Variants in BTD observed in about 807,000 individuals in gnomAD.
The protein encoded by BTD is biotinidase, also known as biocytinase.
In BTD, 13 loss-of-function variants were observed where a neutral mutation model predicts 17.7. That is an observed-to-expected ratio of 0.74 (90% CI 0.48 to 1.17). BTD has a LOEUF of 1.17. BTD is among the 50% of genes most tolerant of loss of function. The pLI is 0.00. For missense variants in BTD, 674 were observed against 650.4 expected (o/e 1.04, Z -0.39); for synonymous variants, 240 against 245.2 (o/e 0.98, Z 0.20).
At chr3:15,704,767 A>G (rs572023965) in intron 3 of BTD, among the ~76,000 whole-genome samples, 1 of 152,280 alleles carries the variant, frequency 6.6e-6, no homozygotes, top group South Asian at 2.1e-4. Context: ...CAAAACAATC[A>G]CTTATTAAAA....
chr3:15,662,777 G>A (rs57358840), intron 3 of BTD, among the ~76,000 whole-genome samples: 2 of 151,302 alleles, frequency 1.3e-5, no homozygotes, highest in Non-Finnish European at 2.9e-5. Context: ...TGGAACTATA[G>A]GTGTGTGCCA....
chr3:15,681,668 A>G (rs1202941774), intron 3 of BTD, among the ~76,000 whole-genome samples: 1 of 152,220 alleles, frequency 6.6e-6, no homozygotes, highest in Non-Finnish European at 1.5e-5. Context: ...TAATTGTGGA[A>G]AAGTAATTTT....
At chr3:15,720,270 T>C (rs1257553398) in intron 4 of BTD, among the ~76,000 whole-genome samples, 8 of 151,792 alleles carry the variant, frequency 5.3e-5, no homozygotes, top group African/African-American at 1.9e-4. Flanking sequence ...CTGACAGTTT[T>C]TTTTCCCTAA....
At chr3:15,618,594 C>T (rs1426044845) in intron 1 of BTD, among the ~76,000 whole-genome samples, 5 of 151,986 alleles carry the variant, frequency 3.3e-5, no homozygotes, top group East Asian at 3.9e-4. Flanking sequence ...GGTGCGATCT[C>T]GGCTCACTGC....
intron 3 of BTD, among the ~76,000 whole-genome samples, chr3:15,674,556 G>A (rs1482535143): frequency 1.3e-5 from 2 of 152,164 alleles, no homozygotes; most frequent in Admixed American, 6.5e-5. Context: ...TTAGGCACGT[G>A]GATATATAGA....
intron 3 of BTD, chr3:15,677,120 A>T: frequency 1.6e-6 from 2 of 1,263,996 alleles, no homozygotes; most frequent in Non-Finnish European, 2.3e-6. Flanking sequence ...TATACACCCA[A>T]CAATCTGCAA....
At chr3:15,665,530 G>GAA in intron 3 of BTD, among the ~76,000 whole-genome samples, 1 of 152,138 alleles carries the variant, frequency 6.6e-6, no homozygotes, top group Admixed American at 6.5e-5. Flanking sequence ...CACTGTAAGG[G>GAA]TACCACAAAA....
At chr3:15,662,853 GTTTTTT>G (rs34083448) in intron 3 of BTD, among the ~76,000 whole-genome samples, 2 of 126,572 alleles carry the variant, frequency 1.6e-5, no homozygotes, top group Admixed American at 8.2e-5. Context: ...CAGGCTGGAG[GTTTTTT>G]TTTTTTTTTT....
intron 4 of BTD, among the ~76,000 whole-genome samples, chr3:15,720,054 G>T (rs2073532155): frequency 6.6e-6 from 1 of 151,662 alleles, no homozygotes; most frequent in African/African-American, 2.4e-5. Context: ...TTTTTTTGTG[G>T]AGCCAGGTTA....
chr3:15,603,005 A>G (rs2064320405), intron 1 of BTD, among the ~76,000 whole-genome samples: 1 of 152,166 alleles, frequency 6.6e-6, no homozygotes, highest in Admixed American at 6.5e-5. Flanking sequence ...CAGGCAAGAG[A>G]GCGTGTGCAG....
chr3:15,603,481 C>T (rs1046924540), intron 1 of BTD, among the ~76,000 whole-genome samples: 1 of 152,004 alleles, frequency 6.6e-6, no homozygotes, highest in Admixed American at 6.5e-5. Flanking sequence ...CACGGTGAAA[C>T]CCTATCTCTA....
In BTD at chr3:15,650,064, G is replaced by T. The variant is rs796344402; in HGVS notation, c.*4576G>T. 7.2e-5 allele frequency among the ~76,000 whole-genome samples: 11 copies of T among 152,336 alleles called. No individual in the cohort carries two copies. The highest frequency in any genetic ancestry group is 2.6e-4 in the African/African-American group (11 of 41,582). ...GACTCCACGGAGACCCACCCTCTAA[G>T]ACCAGAGCCAGTGTCCTATTCATCT... On this transcript the variant is annotated 3_prime_UTR_variant, in exon 4 of 4. Transcript: ENST00000643237.
chr3:15,604,482 A>T (rs1442814887), intron 1 of BTD, among the ~76,000 whole-genome samples: 1 of 152,188 alleles, frequency 6.6e-6, no homozygotes, highest in Non-Finnish European at 1.5e-5. Flanking sequence ...TGGGCCTGTG[A>T]TGGGAGGGCC....
chr3:15,654,362 A>G (rs2125535589), downstream of BTD, among the ~76,000 whole-genome samples: 1 of 152,280 alleles, frequency 6.6e-6, no homozygotes, highest in Middle Eastern at 3.4e-3. Flanking sequence ...TAACATGGTC[A>G]TTTAAAATGA....
At chr3:15,602,181 T>C in intron 1 of BTD, 1 of 1,401,710 alleles carries the variant, frequency 7.1e-7, no homozygotes. Context: ...CAGAAGCAGA[T>C]GTGTACCCCA....
intron 2 of BTD, among the ~76,000 whole-genome samples, chr3:15,638,345 C>T (rs969160487): frequency 6.6e-6 from 1 of 152,244 alleles, no homozygotes; most frequent in South Asian, 2.1e-4. Flanking sequence ...GGAGCCCTTG[C>T]CAGCCTCCAG....
chr3:15,656,167 G>T (rs1022406661), downstream of BTD, among the ~76,000 whole-genome samples: 10 of 152,102 alleles, frequency 6.6e-5, no homozygotes, highest in Non-Finnish European at 1.2e-4. Flanking sequence ...TAAAGATTTA[G>T]CCTGCTAACT....
rs1015957504 is a variant in BTD at position 15,648,581 on chromosome 3, C to T, written c.*3093C>T. 2.0e-5 allele frequency among the ~76,000 whole-genome samples: 3 copies of T among 152,112 alleles called. No individual in the cohort carries two copies. Among genetic ancestry groups the T allele is most frequent in the Admixed American group, 6.5e-5 (1 of 15,278 alleles). The stretch of plus-strand genomic sequence containing the variant: ...ATGAGGCTACAGTCAAGATGTCAGC[C>T]GAGGTGACAGTGAAGATATCAACCA... On this transcript the variant is annotated 3_prime_UTR_variant, in exon 4 of 4. Coordinates refer to ENST00000643237, the MANE Select transcript of BTD (RefSeq NM_001370658.1).
intron 3 of BTD, chr3:15,707,991 C>A: frequency 6.2e-7 from 1 of 1,612,106 alleles, no homozygotes; most frequent in Non-Finnish European, 8.5e-7. Context: ...AGGTCATTCA[C>A]ACTTGCTCCT....
Sources: allele counts gnomAD v4.1 joint callset (sites outside exome capture counted in the v4.1 genomes callset), GRCh38; gene constraint gnomAD v4.1.1; transcripts MANE v1.5; gene names NCBI Gene and HGNC (gene_info 2026-07-23, HGNC 2026-07-21).